The following PCDH11X variants were observed in gnomAD, a reference collection of about 807,000 sequenced individuals.
PCDH11X encodes the protein protocadherin-11 X-linked.
PCDH11X carries 18 observed loss-of-function variants against 53.3 expected under a neutral mutation model. That is an observed-to-expected ratio of 0.34 (90% CI 0.23 to 0.50). The LOEUF is 0.50. Ranked by LOEUF, PCDH11X falls within the 20% of genes least tolerant of loss-of-function variation. PCDH11X has a pLI of 0.98. For synonymous variants in PCDH11X, 279 were observed against 393.3 expected (o/e 0.71, Z 3.44); for missense variants, 570 against 1,032.4 (o/e 0.55, Z 6.14).
intron 4 of PCDH11X, among the ~76,000 whole-genome samples, chrX:91,823,330 A>T (rs1195859638): frequency 9.0e-6 from 1 of 110,653 alleles, no homozygotes; most frequent in Non-Finnish European, 1.9e-5. Context: ...TAGGTCACTC[A>T]GGACTTGCTT....
chrX:91,890,606 T>C (rs1450670301), intron 6 of PCDH11X, among the ~76,000 whole-genome samples: 2 of 110,937 alleles, frequency 1.8e-5, no homozygotes, highest in East Asian at 5.7e-4. Flanking sequence ...AATAGCCAAC[T>C]TCTGCCCAGT....
chrX:92,402,646 A>G (rs1412147616), intron 9 of PCDH11X, among the ~76,000 whole-genome samples: 1 of 111,834 alleles, frequency 8.9e-6, no homozygotes, highest in Admixed American at 9.5e-5. Context: ...TGGGTTAAAG[A>G]TTTAAATGTA....
intron 10 of PCDH11X, among the ~76,000 whole-genome samples, chrX:92,575,783 G>A (rs1469592001): frequency 3.8e-5 from 4 of 103,908 alleles, no homozygotes; most frequent in Non-Finnish European, 5.9e-5. Flanking sequence ...GGTCTGATCT[G>A]TTTTGTTGTT....
intron 9 of PCDH11X, among the ~76,000 whole-genome samples, chrX:92,462,505 T>C (rs1266281161): frequency 1.8e-5 from 2 of 111,280 alleles, no homozygotes; most frequent in East Asian, 2.8e-4. Flanking sequence ...AGAGCTAAAA[T>C]TGTTTCAAAC....
At chrX:92,555,212 A>C (rs1398269013) in intron 10 of PCDH11X, among the ~76,000 whole-genome samples, 1 of 111,206 alleles carries the variant, frequency 9.0e-6, no homozygotes, top group Non-Finnish European at 1.9e-5. Flanking sequence ...CCCACACAGC[A>C]GAAGTGGTTT....
At position 92,464,618 on chromosome X, in the gene PCDH11X, T is replaced by C. The variant is rs1003662755; in HGVS notation, c.3344-3681T>C. The stretch of plus-strand genomic sequence containing the variant: ...GCAGCATGAGAACAAACTAATACAG[T>C]AGCCTTAACCTTACACACAATTTGA... On this transcript the variant is annotated intron_variant, in intron 9 of 10. Coordinates refer to ENST00000682573, the MANE Select transcript of PCDH11X (RefSeq NM_032968.5). Among the ~76,000 whole-genome samples, 5 of 110,718 alleles carry C rather than the reference T, an allele frequency of 4.5e-5. No individual in the cohort carries two copies. In the Admixed American group the frequency reaches 4.8e-4, roughly 11 times the overall value.
At chrX:91,812,353 C>T (rs1400709632) in intron 4 of PCDH11X, among the ~76,000 whole-genome samples, 1 of 110,527 alleles carries the variant, frequency 9.0e-6, no homozygotes. Context: ...CCCTTCTATT[C>T]CCTCCATTAC....
intron 8 of PCDH11X, among the ~76,000 whole-genome samples, chrX:92,321,620 T>C (rs2069212161): frequency 8.9e-6 from 1 of 112,082 alleles, no homozygotes; most frequent in African/African-American, 3.2e-5. Context: ...TAATTAACCC[T>C]TGCCTGCTAA....
chrX:92,033,720 T>C (rs2063086688), intron 6 of PCDH11X, among the ~76,000 whole-genome samples: 1 of 110,469 alleles, frequency 9.1e-6, no homozygotes, highest in South Asian at 3.8e-4. Context: ...ATCTTGTGTA[T>C]CATTTCCTTA....
In PCDH11X at chrX:92,150,948, G is replaced by A. The variant is rs971355412; in HGVS notation, c.3034-50427G>A. Among the ~76,000 whole-genome samples the A allele has an allele frequency of 1.6e-4, 18 of 110,574 alleles. 1 individual carries two copies. The highest frequency in any genetic ancestry group is 1.3e-3 in the Admixed American group (13 of 10,284). ...TCCCCTGTGATGTTTCATGTAAACC[G>A]TTATACTTCTGTTTTGTTTGTTTGC... On this transcript the variant is annotated intron_variant, in intron 6 of 10. Coordinates refer to ENST00000682573, the MANE Select transcript of PCDH11X (RefSeq NM_032968.5).
At chrX:92,138,712 T>A (rs2065124858) in intron 6 of PCDH11X, among the ~76,000 whole-genome samples, 1 of 111,303 alleles carries the variant, frequency 9.0e-6, no homozygotes, top group East Asian at 2.8e-4. Flanking sequence ...TTCAATATAG[T>A]CATAATGTAC....
At chrX:91,847,816 C>T (rs1937767825) in intron 5 of PCDH11X, among the ~76,000 whole-genome samples, 1 of 111,614 alleles carries the variant, frequency 9.0e-6, no homozygotes, top group Non-Finnish European at 1.9e-5. Flanking sequence ...CTAAATTTTA[C>T]ACACACAAAA....
intron 5 of PCDH11X, among the ~76,000 whole-genome samples, chrX:91,850,866 T>G (rs1264029673): frequency 9.0e-6 from 1 of 110,633 alleles, no homozygotes; most frequent in Non-Finnish European, 1.9e-5. Context: ...TAAAAAGATT[T>G]AAACTAAAAA....
chrX:92,159,037 C>T (rs1169605450), intron 6 of PCDH11X, among the ~76,000 whole-genome samples: 3 of 112,017 alleles, frequency 2.7e-5, no homozygotes, highest in African/African-American at 6.5e-5. Context: ...GTACATATTA[C>T]AAAAATATCT....
chrX:92,235,804 A>T (rs2067159496), intron 7 of PCDH11X, among the ~76,000 whole-genome samples: 1 of 111,310 alleles, frequency 9.0e-6, no homozygotes, highest in African/African-American at 3.3e-5. Context: ...ATGATTATTG[A>T]TCAAACAATA....
At position 92,055,873 on chromosome X, in the gene PCDH11X, A is replaced by G. The variant is rs1471100748; in HGVS notation, c.3034-145502A>G. Among the ~76,000 whole-genome samples, 5 of 111,172 alleles carry G rather than the reference A, an allele frequency of 4.5e-5. No homozygotes were observed. In the East Asian group the frequency reaches 1.4e-3, roughly 32 times the overall value. On this transcript the variant is annotated intron_variant, in intron 6 of 10. Transcript: ENST00000682573. The stretch of plus-strand genomic sequence containing the variant: ...CTCCAGTTCCCTCCATGTCCCTGCA[A>G]AGGACATGACCTTTTTTATGACTGC...
chrX:91,970,828 A>G (rs1331513465), intron 6 of PCDH11X, among the ~76,000 whole-genome samples: 1 of 111,656 alleles, frequency 9.0e-6, no homozygotes, highest in Admixed American at 9.6e-5. Context: ...CCTTACTGAA[A>G]TATGGTGATA....
intron 10 of PCDH11X, among the ~76,000 whole-genome samples, chrX:92,535,829 ATCT>A (rs768689695): frequency 1.1e-3 from 126 of 111,296 alleles, no homozygotes; most frequent in Non-Finnish European, 2.0e-3. Flanking sequence ...CACAAAAATA[ATCT>A]TCTTAAGTCT....
chrX:92,136,732 C>A (rs763530364), intron 6 of PCDH11X, among the ~76,000 whole-genome samples: 2 of 108,987 alleles, frequency 1.8e-5, no homozygotes, highest in South Asian at 8.0e-4. Context: ...CCTTGCAGGG[C>A]ATTTTAAGAG....
Sources: gnomAD v4.1 joint callset for allele counts (sites outside exome capture counted in the v4.1 genomes callset) on GRCh38, gnomAD v4.1.1 for gene constraint, MANE v1.5 for transcripts, NCBI Gene and HGNC (gene_info 2026-07-23, HGNC 2026-07-21) for gene names.